Variants in KCNB2 observed in about 807,000 individuals in gnomAD.
KCNB2 encodes potassium voltage-gated channel subfamily B member 2.
A neutral mutation model predicts 61.5 loss-of-function variants in KCNB2; 15 were observed. The ratio of observed to expected loss-of-function variants is 0.24; its 90% CI spans 0.16 to 0.38. The LOEUF is 0.38. Ranked by LOEUF, KCNB2 falls within the 10% of genes least tolerant of loss-of-function variation. KCNB2 has a pLI of 1.00. For missense variants in KCNB2, 828 were observed against 1,125.2 expected, an observed-to-expected ratio of 0.74 and a Z score of 3.78; for synonymous variants, 457 against 446.0, an observed-to-expected ratio of 1.02 and a Z score of -0.31.
chr8:72,779,520 A>G (rs1050503902), intron 2 of KCNB2, among the ~76,000 whole-genome samples: 1 of 152,208 alleles, frequency 6.6e-6, no homozygotes, highest in Non-Finnish European at 1.5e-5. Context: ...TGAGTTCACC[A>G]GTGAGGACAT....
intron 2 of KCNB2, among the ~76,000 whole-genome samples, chr8:72,611,440 A>G (rs1334696534): frequency 2.0e-5 from 3 of 152,210 alleles, no homozygotes. Context: ...ACCCCAGCAC[A>G]CTAAAGTTCG....
intron 2 of KCNB2, among the ~76,000 whole-genome samples, chr8:72,773,154 A>G (rs1406253401): frequency 6.6e-6 from 1 of 152,130 alleles, no homozygotes; most frequent in Non-Finnish European, 1.5e-5. Context: ...TGGCCCGGTC[A>G]TGTTCTAGAC....
intron 2 of KCNB2, among the ~76,000 whole-genome samples, chr8:72,745,343 AGACT>A (rs1201329886): frequency 6.6e-6 from 1 of 152,104 alleles, no homozygotes. Context: ...GTCCTCCATA[AGACT>A]GTCCTCATTT....
At chr8:72,784,387 C>T (rs892000074) in intron 2 of KCNB2, among the ~76,000 whole-genome samples, 2 of 152,134 alleles carry the variant, frequency 1.3e-5, no homozygotes, top group Admixed American at 6.5e-5. Context: ...CTTCTCTTAT[C>T]ACAATGTTGT....
At chr8:72,683,888 C>T (rs942609975) in intron 2 of KCNB2, among the ~76,000 whole-genome samples, 18 of 152,046 alleles carry the variant, frequency 1.2e-4, no homozygotes, top group African/African-American at 2.7e-4. Flanking sequence ...GGGTTGGAAA[C>T]GTTGGCAGGA....
rs897191265 is a variant in KCNB2 at position 72,771,047 on chromosome 8, A to G, written c.580-164888A>G. ...TTGTCGCAGAAAAAAGCTCCCAGCT[A>G]TTGGCTAAGAAACATGACCTGGAGT... On this transcript the variant is annotated intron_variant, in intron 2 of 2. Transcript: ENST00000523207. Among the ~76,000 whole-genome samples the G allele has an allele frequency of 8.5e-5, 13 of 152,230 alleles. No individual in the cohort carries two copies. In the South Asian group the frequency reaches 2.7e-3, roughly 32 times the overall value.
intron 2 of KCNB2, among the ~76,000 whole-genome samples, chr8:72,682,601 A>G (rs1486783225): frequency 6.6e-6 from 1 of 151,642 alleles, no homozygotes; most frequent in Non-Finnish European, 1.5e-5. Context: ...TTTAAAAAAA[A>G]AAAAAAAAAA....
chr8:72,572,587 T>A (rs12056918), intron 2 of KCNB2, among the ~76,000 whole-genome samples: 37,768 of 151,046 alleles, frequency 0.25, 5,987 homozygotes, highest in Admixed American at 0.35. Flanking sequence ...TCTCTCTCTC[T>A]CACACAGACA....
chr8:72,912,265 G>A (rs2129007531), intron 2 of KCNB2, among the ~76,000 whole-genome samples: 1 of 152,180 alleles, frequency 6.6e-6, no homozygotes, highest in Admixed American at 6.5e-5. Context: ...GTGTTGTGGG[G>A]AGTGGAAAAC....
intron 1 of KCNB2, among the ~76,000 whole-genome samples, chr8:72,559,531 A>C (rs1585750967): frequency 1.3e-5 from 2 of 152,138 alleles, no homozygotes; most frequent in African/African-American, 4.8e-5. Flanking sequence ...TTTGGGCTGT[A>C]GTGTGCAGAA....
chr8:72,726,447 A>T (rs1294685101), intron 2 of KCNB2, among the ~76,000 whole-genome samples: 2 of 152,352 alleles, frequency 1.3e-5, no homozygotes, highest in East Asian at 3.9e-4. Context: ...AATGATAGTA[A>T]ATACATACAT....
intron 2 of KCNB2, among the ~76,000 whole-genome samples, chr8:72,693,571 G>C (rs1806972773): frequency 2.0e-5 from 3 of 152,182 alleles, no homozygotes; most frequent in African/African-American, 7.2e-5. Context: ...CAAATTGTCA[G>C]TCATTTGGCC....
At chr8:72,790,953 T>C (rs1808931416) in intron 2 of KCNB2, among the ~76,000 whole-genome samples, 1 of 152,208 alleles carries the variant, frequency 6.6e-6, no homozygotes, top group Non-Finnish European at 1.5e-5. Context: ...AATTTGTGTT[T>C]ACTGTATGAT....
intron 2 of KCNB2, among the ~76,000 whole-genome samples, chr8:72,813,194 G>C (rs1374470903): frequency 6.6e-6 from 1 of 152,190 alleles, no homozygotes; most frequent in Non-Finnish European, 1.5e-5. Flanking sequence ...GTTTCATAAA[G>C]AGAGTAGGAA....
At chr8:72,785,338 C>T (rs1268948090) in intron 2 of KCNB2, among the ~76,000 whole-genome samples, 1 of 152,164 alleles carries the variant, frequency 6.6e-6, no homozygotes, top group Admixed American at 6.6e-5. Flanking sequence ...CCCAAATAAG[C>T]TCCTGAATAA....
At position 72,733,529 on chromosome 8, in the gene KCNB2, GTCA is replaced by G. The variant is rs561198887; in HGVS notation, c.579+165221_579+165223del. ...GCCCTTGAATATGTGATTTATCTGA[GTCA>G]TCATTTCCTCATCTGTAAAGCAGGG... On this transcript the variant is annotated intron_variant, in intron 2 of 2. Coordinates refer to ENST00000523207, the MANE Select transcript of KCNB2 (RefSeq NM_004770.3). Among the ~76,000 whole-genome samples the G allele has an allele frequency of 1.7e-4, 26 of 152,242 alleles. 1 individual carries two copies. The South Asian group carries it at 5.4e-3, about 32-fold the overall frequency.
chr8:72,593,151 G>A (rs1394790517), intron 2 of KCNB2, among the ~76,000 whole-genome samples: 1 of 152,064 alleles, frequency 6.6e-6, no homozygotes, highest in East Asian at 1.9e-4. Flanking sequence ...AAGATAATGA[G>A]TACTATATTT....
chr8:72,854,560 C>G (rs76618637), intron 2 of KCNB2, among the ~76,000 whole-genome samples: 23 of 152,086 alleles, frequency 1.5e-4, no homozygotes, highest in Non-Finnish European at 2.9e-4. Context: ...GAAACATATA[C>G]GACACCTGCC....
At chr8:72,767,316 T>C (rs1808476018) in intron 2 of KCNB2, among the ~76,000 whole-genome samples, 1 of 152,214 alleles carries the variant, frequency 6.6e-6, no homozygotes, top group South Asian at 2.1e-4. Flanking sequence ...GTAATTGTTA[T>C]AGTATATTCA....
Sources: gnomAD v4.1 joint callset for allele counts (sites outside exome capture counted in the v4.1 genomes callset) on GRCh38, gnomAD v4.1.1 for gene constraint, MANE v1.5 for transcripts, NCBI Gene and HGNC (gene_info 2026-07-23, HGNC 2026-07-21) for gene names.